The following SP9 variants were observed in gnomAD, a reference collection of about 807,000 sequenced individuals.
SP9 encodes the protein Sp9 transcription factor.
Under a neutral mutation model 23.0 loss-of-function variants are expected in SP9, and 5 were observed. The observed-to-expected ratio is 0.22, with a 90% CI of 0.11 to 0.46. The LOEUF (loss-of-function observed/expected upper bound fraction) is 0.46, where lower values mean the gene tolerates loss of function less well. Ranked by LOEUF, SP9 falls within the 20% of genes least tolerant of loss-of-function variation. SP9 has a pLI of 0.99. For synonymous variants in SP9, 360 were observed against 356.5 expected, an observed-to-expected ratio of 1.01 and a Z score of -0.11; for missense variants, 542 against 724.0, an observed-to-expected ratio of 0.75 and a Z score of 2.88.
chr2:174,336,860 G>T lies in SP9; in HGVS notation c.775G>T (p.Gly259Cys). 1 of 1,522,054 alleles carries T rather than the reference G, an allele frequency of 6.6e-7. No individual in the cohort carries two copies. The allele number at this position is 1,522,054 out of a possible 1,614,324, so 94.3% of individuals were successfully genotyped here. The change falls in exon 2 of 2, where the codon GGC (glycine) becomes TGC (cysteine). Residue 259 changes from glycine (G) to cysteine (C), a missense_variant. Gly to Cys is a radical substitution (Grantham distance 159). Transcript: ENST00000394967. ...STSQHLLAQD[G>C]FKPVLPSYSD... ...CAGCCAGCACCTGCTGGCCCAGGAC[G>T]GCTTCAAGCCGGTGTTGCCCTCCTA...
In SP9 at chr2:174,336,910, A is replaced by T. The variant is rs1684424057; in HGVS notation, c.825A>T (p.Ala275=). Reference sequence around the variant, plus strand: ...ATTCGGACTCCAGCGCCGCCGTGGCAGCCGCCGCCGCCAGCGCCATGATAT... The same window carrying T: ...ATTCGGACTCCAGCGCCGCCGTGGCTGCCGCCGCCGCCAGCGCCATGATAT... ...PSYSDSSAAV[A]AAAASAMISG... is the part of the protein sequence containing the mutation. Residue 275 remains alanine (A), a synonymous_variant, in exon 2 of 2, where the codon GCA becomes GCT. Coordinates refer to ENST00000394967, the MANE Select transcript of SP9 (RefSeq NM_001145250.2). 1.7e-5 allele frequency: 25 copies of T among 1,463,264 alleles called. No individual in the cohort carries two copies. The highest frequency in any genetic ancestry group is 2.2e-5 in the Non-Finnish European group (24 of 1,111,676). 90.6% of individuals were successfully genotyped at this position (1,463,264 alleles called of 1,614,324 possible).
At position 174,335,723 on chromosome 2, in the gene SP9, T is replaced by C. The variant is rs556262383; in HGVS notation, c.22-384T>C. On this transcript the variant is annotated intron_variant, in intron 1 of 1. Transcript: ENST00000394967. ...CGCCTCCGCCCTCACCCGGTGTTTG[T>C]TGTCTCTGGTCTCTGTGTTTACCTT... 33 of 215,586 alleles carry C rather than the reference T, an allele frequency of 1.5e-4. No individual in the cohort carries two copies. The East Asian group carries it at 3.6e-3, about 23-fold the overall frequency. 13.4% of individuals were successfully genotyped at this position (215,586 alleles called of 1,614,324 possible). A position where few individuals can be genotyped will look rare whatever the true frequency, so the allele number is the denominator to read the frequency against.
At chr2:174,335,720 T>A (rs1684396389) in intron 1 of SP9, 1 of 211,744 alleles carries the variant, frequency 4.7e-6, no homozygotes, top group Non-Finnish European at 9.4e-6. Flanking sequence ...CACCCGGTGT[T>A]TGTTGTCTCT....
intron 1 of SP9, chr2:174,335,516 A>G (rs1054200778): frequency 1.5e-5 from 3 of 204,438 alleles, no homozygotes; most frequent in African/African-American, 2.3e-5. Context: ...CGGCTCCCCA[A>G]TTCGCCCATG....
chr2:174,337,290 T>TGCGCAGCGACCTGAA lies in SP9; in HGVS notation c.1216_1217insTGAAGCGCAGCGACC (p.Asp405_His406insLeuLysArgSerAsp). On this transcript the variant is annotated inframe_insertion, in exon 2 of 2. Coordinates refer to ENST00000394967, the MANE Select transcript of SP9 (RefSeq NM_001145250.2). ...TGTCCGGTGTGCAACAAGCGCTTCA[T>TGCGCAGCGACCTGAA]GCGCAGCGACCACCTGAGCAAACAC... The TGCGCAGCGACCTGAA allele has an allele frequency of 6.4e-7, 1 of 1,556,374 alleles. No homozygotes were observed. Among genetic ancestry groups the TGCGCAGCGACCTGAA allele is most frequent in the Non-Finnish European group, 8.7e-7 (1 of 1,150,080 alleles).
In SP9 at chr2:174,336,823, C is replaced by G. The variant is rs1268151192; in HGVS notation, c.738C>G (p.His246Gln). The G allele has an allele frequency of 6.5e-7, 1 of 1,527,892 alleles. No individual in the cohort carries two copies. 94.6% of individuals were successfully genotyped at this position (1,527,892 alleles called of 1,614,324 possible). The change falls in exon 2 of 2, where the codon CAC becomes CAG. Residue 246 changes from histidine to glutamine, a missense_variant. Around this residue, in one of 8 missense-constraint regions of SP9, gnomAD observed 144 missense variants for 158.7 expected, o/e 0.91. Coordinates refer to ENST00000394967, the MANE Select transcript of SP9 (RefSeq NM_001145250.2). ...GCTCCTCCGCCGCCGCCGCCTCCCACCTGCTCTCCACCAGCCAGCACCTGC... is the reference window on the plus strand; with the variant it reads ...GCTCCTCCGCCGCCGCCGCCTCCCAGCTGCTCTCCACCAGCCAGCACCTGC... ...GLGSSAAAAS[H>Q]LLSTSQHLLA...
rs1480089981 is a variant in SP9 at position 174,336,592 on chromosome 2, C to T, written c.507C>T (p.Ala169=). The change falls in exon 2 of 2, where the codon GCC becomes GCT. Residue 169 remains alanine, a synonymous_variant. Transcript: ENST00000394967. ...CGGGCTTCCATTCGACGCTGGCGGCCGGCGAGGTGACCAACGGCGCGGCGT... is the reference window on the plus strand; with the variant it reads ...CGGGCTTCCATTCGACGCTGGCGGCTGGCGAGGTGACCAACGGCGCGGCGT... ...YKSGFHSTLA[A]GEVTNGAASS... is the part of the protein sequence containing the mutation. 7.0e-7 allele frequency: 1 copy of T among 1,424,972 alleles called. No individual in the cohort carries two copies. 88.3% of individuals were successfully genotyped at this position (1,424,972 alleles called of 1,614,324 possible).
rs942239466 is a variant in SP9 at position 174,338,399 on chromosome 2, G to A, written c.*859G>A. 6.6e-6 allele frequency: 1 copy of A among 152,136 alleles called. No homozygotes were observed. Among genetic ancestry groups the A allele is most frequent in the African/African-American group, 2.4e-5 (1 of 41,420 alleles). 9.4% of individuals were successfully genotyped at this position (152,136 alleles called of 1,614,324 possible). A position where few individuals can be genotyped will look rare whatever the true frequency, so the allele number is the denominator to read the frequency against. The stretch of plus-strand genomic sequence containing the variant: ...GAGTTATCATTTCACTCACAAACAC[G>A]TAAGTTAAGGTCATCTAAAGAAATT... On this transcript the variant is annotated 3_prime_UTR_variant, in exon 2 of 2. Transcript: ENST00000394967.
At position 174,337,695 on chromosome 2, in the gene SP9, C is replaced by T; in HGVS notation, c.*155C>T. 2.1e-6 allele frequency: 2 copies of T among 952,150 alleles called. No homozygotes were observed. The highest frequency in any genetic ancestry group is 2.6e-6 in the Non-Finnish European group (2 of 783,746). 59.0% of individuals were successfully genotyped at this position (952,150 alleles called of 1,614,324 possible). ...GCGAGGTGGAGCCGCTCAGGGCTCC[C>T]GGGCTGCGGTTCGCCCGCTGTGCGA... On this transcript the variant is annotated 3_prime_UTR_variant, in exon 2 of 2. Transcript: ENST00000394967.
intron 1 of SP9, chr2:174,335,883 G>T (rs1339964579): frequency 3.7e-6 from 2 of 539,874 alleles, no homozygotes; most frequent in East Asian, 3.4e-5. Context: ...TCAGCGAAGT[G>T]CAACTTTCCG....
intron 1 of SP9, 69 bp from the exon 2 acceptor site, chr2:174,336,038 C>T: frequency 6.8e-7 from 1 of 1,468,488 alleles, no homozygotes; most frequent in Admixed American, 2.0e-5. Flanking sequence ...CACGGGTGCA[C>T]TTTGTTTCTT....
In SP9 at chr2:174,337,672, G is replaced by A. The variant is rs1684442435; in HGVS notation, c.*132G>A. ...CGCCCCCAGGGCCCGGGCTGGGCGC[G>A]AGGTGGAGCCGCTCAGGGCTCCCGG... On this transcript the variant is annotated 3_prime_UTR_variant, in exon 2 of 2. Transcript: ENST00000394967. 1.9e-6 allele frequency: 2 copies of A among 1,028,102 alleles called. No homozygotes were observed. Among genetic ancestry groups the A allele is most frequent in the Non-Finnish European group, 1.2e-6 (1 of 852,418 alleles). The allele number at this position is 1,028,102 out of a possible 1,614,324, so 63.7% of individuals were successfully genotyped here.
chr2:174,335,350 A>G, intron 1 of SP9: 1 of 543,092 alleles, frequency 1.8e-6, no homozygotes, highest in Non-Finnish European at 3.4e-6. Flanking sequence ...TTCAAAAAAA[A>G]GCTAGAGGTT....
chr2:174,336,580 G>A lies in SP9; in HGVS notation c.495G>A (p.Ser165=). 3 of 1,426,336 alleles carry A rather than the reference G, an allele frequency of 2.1e-6. No homozygotes were observed. The highest frequency in any genetic ancestry group is 2.7e-6 in the Non-Finnish European group (3 of 1,094,078). 88.4% of individuals were successfully genotyped at this position (1,426,336 alleles called of 1,614,324 possible). Residue 165 remains serine, a synonymous_variant, in exon 2 of 2, where the codon TCG becomes TCA. Transcript: ENST00000394967. The part of the protein sequence containing the change: ...YESWYKSGFH[S]TLAAGEVTNG... ...CCTGGTACAAGTCGGGCTTCCATTC[G>A]ACGCTGGCGGCCGGCGAGGTGACCA...
At chr2:174,335,620 C>G (rs1044186603) in intron 1 of SP9, 2 of 171,314 alleles carry the variant, frequency 1.2e-5, no homozygotes, top group African/African-American at 2.4e-5. Context: ...CAAACGTTTT[C>G]TATTAAAAAA....
In SP9 at chr2:174,337,582, C is replaced by G. The variant is rs1684440880; in HGVS notation, c.*42C>G. On this transcript the variant is annotated 3_prime_UTR_variant, in exon 2 of 2. Transcript: ENST00000394967. ...GCGAGCACACAAGCGAGTAGAGACA[C>G]CGAGAACGAACGAGAGGTTCGGAGG... is the stretch of plus-strand genomic sequence containing the variant. 26 of 1,137,608 alleles carry G rather than the reference C, an allele frequency of 2.3e-5. No individual in the cohort carries two copies. Among genetic ancestry groups the G allele is most frequent in the Admixed American group, 4.9e-5 (1 of 20,608 alleles). The allele number at this position is 1,137,608 out of a possible 1,614,324, so 70.5% of individuals were successfully genotyped here.
Position 174,335,005 on chromosome 2 carries a change from G to C in SP9, c.-88G>C, listed in dbSNP as rs758749528. On this transcript the variant is annotated 5_prime_UTR_variant, in exon 1 of 2. Transcript: ENST00000394967. ...CCGCTCGGCACGAGCGCGGGGACGC[G>C]GGAGCCGCGCGGGACCCAAGCAGTT... 6 of 1,465,694 alleles carry C rather than the reference G, an allele frequency of 4.1e-6. No homozygotes were observed. Among genetic ancestry groups the C allele is most frequent in the Non-Finnish European group, 5.6e-6 (6 of 1,072,608 alleles). 90.8% of individuals were successfully genotyped at this position (1,465,694 alleles called of 1,614,324 possible). A position where few individuals can be genotyped will look rare whatever the true frequency, so the allele number is the denominator to read the frequency against.
At position 174,337,444 on chromosome 2, in the gene SP9, C is replaced by T. The variant is rs1453174321; in HGVS notation, c.1359C>T (p.Ala453=). ...TGCATGACTCCGGCGTCAGTGCCGC[C>T]CGGGCGGCGGCAGCGGCGGCGGCGG... The part of the protein sequence containing the change: ...LILHDSGVSA[A]RAAAAAAAAA... The change falls in exon 2 of 2, where the codon GCC becomes GCT. Residue 453 remains alanine, a synonymous_variant. Transcript: ENST00000394967. The T allele has an allele frequency of 1.5e-6, 2 of 1,323,462 alleles. No individual in the cohort carries two copies. Among genetic ancestry groups the T allele is most frequent in the Admixed American group, 3.5e-5 (1 of 28,926 alleles). The allele number at this position is 1,323,462 out of a possible 1,614,324, so 82.0% of individuals were successfully genotyped here. A position where few individuals can be genotyped will look rare whatever the true frequency, so the allele number is the denominator to read the frequency against.
Position 174,336,897 on chromosome 2 carries a change from G to A in SP9, c.812G>A (p.Ser271Asn). 6.7e-7 allele frequency: 1 copy of A among 1,491,372 alleles called. No homozygotes were observed. Among genetic ancestry groups the A allele is most frequent in the Non-Finnish European group, 8.9e-7 (1 of 1,127,712 alleles). The allele number at this position is 1,491,372 out of a possible 1,614,324, so 92.4% of individuals were successfully genotyped here. ...KPVLPSYSDS[S>N]AAVAAAAASA... is the part of the protein sequence containing the mutation. ...GTGTTGCCCTCCTATTCGGACTCCAGCGCCGCCGTGGCAGCCGCCGCCGCC... is the reference window on the plus strand; with the variant it reads ...GTGTTGCCCTCCTATTCGGACTCCAACGCCGCCGTGGCAGCCGCCGCCGCC... Residue 271 changes from serine (S) to asparagine (N), a missense_variant, in exon 2 of 2, where the codon AGC becomes AAC. Ser to Asn is a conservative substitution (Grantham distance 46, BLOSUM62 1). Transcript: ENST00000394967.
Sources: gnomAD v4.1 joint callset for allele counts on GRCh38, gnomAD v4.1.1 for gene constraint, gnomAD v4.1.1 regional missense constraint, MANE v1.5 for transcripts, NCBI Gene and HGNC (gene_info 2026-07-23, HGNC 2026-07-21) for gene names.